PTPN4: variants seen among roughly 807,000 people sequenced by gnomAD.
PTPN4 encodes tyrosine-protein phosphatase non-receptor type 4.
Under a neutral mutation model 135.5 loss-of-function variants are expected in PTPN4, and 49 were observed. The ratio of observed to expected loss-of-function variants is 0.36; its 90% confidence interval spans 0.29 to 0.46. The LOEUF is 0.46. PTPN4 is among the 20% of genes least tolerant of loss of function. The probability of loss-of-function intolerance (pLI) is 1.00; values close to 1 mark genes in which losing one functional copy is unlikely to be tolerated. For missense variants in PTPN4, 860 were observed against 1,101.0 expected (o/e 0.78, Z 3.10); for synonymous variants, 333 against 369.9 (o/e 0.90, Z 1.14).
At chr2:119,906,872 A>G (rs961643372) in intron 10 of PTPN4, among the ~76,000 whole-genome samples, 1 of 152,228 alleles carries the variant, frequency 6.6e-6, no homozygotes, top group African/African-American at 2.4e-5. Context: ...CAGGAAGTCA[A>G]ATTGTTCCTC....
At chr2:119,787,844 G>T (rs1193411165) in intron 1 of PTPN4, among the ~76,000 whole-genome samples, 1 of 152,142 alleles carries the variant, frequency 6.6e-6, no homozygotes, top group Non-Finnish European at 1.5e-5. Context: ...AAGTTGGTGT[G>T]TATGTTTTCC....
intron 22 of PTPN4, among the ~76,000 whole-genome samples, chr2:119,958,033 AACT>A (rs1679313430): frequency 6.6e-6 from 1 of 152,158 alleles, no homozygotes; most frequent in South Asian, 2.1e-4. Context: ...TATGCTTAAA[AACT>A]ACTAAAATCA....
intron 9 of PTPN4, among the ~76,000 whole-genome samples, chr2:119,891,083 A>G (rs986670665): frequency 2.6e-5 from 4 of 152,116 alleles, no homozygotes; most frequent in Non-Finnish European, 5.9e-5. Flanking sequence ...TTACATTATT[A>G]TCTGCTTGGG....
chr2:119,967,355 A>G (rs1029432154), intron 25 of PTPN4, among the ~76,000 whole-genome samples: 2 of 152,162 alleles, frequency 1.3e-5, no homozygotes, highest in Non-Finnish European at 2.9e-5. Flanking sequence ...AGGCTGAGGC[A>G]GGAGAATCGC....
At chr2:119,907,624 A>G (rs948491776) in intron 10 of PTPN4, among the ~76,000 whole-genome samples, 4 of 150,888 alleles carry the variant, frequency 2.7e-5, no homozygotes, top group South Asian at 4.2e-4. Context: ...AAAAAAAAAT[A>G]TTGTATGGAA....
intron 2 of PTPN4, among the ~76,000 whole-genome samples, chr2:119,825,393 G>A (rs1009772073): frequency 2.0e-5 from 3 of 152,138 alleles, no homozygotes; most frequent in African/African-American, 7.2e-5. Context: ...AATGTGGTGG[G>A]GCAGTTACCT....
chr2:119,809,103 T>C (rs1037676358), intron 1 of PTPN4, among the ~76,000 whole-genome samples: 1 of 152,028 alleles, frequency 6.6e-6, no homozygotes, highest in African/African-American at 2.4e-5. Context: ...TTCTCCTCCA[T>C]GAATGTTAAT....
intron 1 of PTPN4, among the ~76,000 whole-genome samples, chr2:119,779,611 C>T (rs1442895517): frequency 2.1e-4 from 29 of 138,580 alleles, no homozygotes; most frequent in African/African-American, 6.7e-4. Flanking sequence ...AGCGAGACTC[C>T]GTCTCAAAAA....
chr2:119,859,368 T>A (rs191462401), intron 2 of PTPN4, among the ~76,000 whole-genome samples: 189 of 152,338 alleles, frequency 1.2e-3, no homozygotes, highest in African/African-American at 4.3e-3. Flanking sequence ...TGGATCGCAT[T>A]TAATTGGCTT....
chr2:119,843,530 C>T (rs1430755849), intron 2 of PTPN4, among the ~76,000 whole-genome samples: 7 of 119,276 alleles, frequency 5.9e-5, no homozygotes, highest in Admixed American at 1.6e-4. Context: ...GGGTGGTGGC[C>T]GGGCAGAGGG....
intron 2 of PTPN4, among the ~76,000 whole-genome samples, chr2:119,839,847 A>G (rs1166638714): frequency 6.6e-6 from 1 of 152,206 alleles, no homozygotes; most frequent in Non-Finnish European, 1.5e-5. Flanking sequence ...ATCAGTATGC[A>G]GCTTGCTTAG....
At chr2:119,760,733 C>CTTTTTTTTTTTTTTTTTTT (rs59953430) in intron 1 of PTPN4, among the ~76,000 whole-genome samples, 2 of 79,908 alleles carry the variant, frequency 2.5e-5, no homozygotes, top group African/African-American at 1.0e-4. Context: ...GGTAGAATTC[C>CTTTTTTTTTTTTTTTTTTT]TTTTTTTTTT....
At chr2:119,921,448 C>G (rs1427809800) in intron 12 of PTPN4, among the ~76,000 whole-genome samples, 2 of 152,008 alleles carry the variant, frequency 1.3e-5, no homozygotes, top group Non-Finnish European at 2.9e-5. Flanking sequence ...GTAAAAATAA[C>G]AGTATGAAGC....
intron 13 of PTPN4, among the ~76,000 whole-genome samples, chr2:119,930,655 C>T (rs905434851): frequency 2.6e-5 from 4 of 152,004 alleles, no homozygotes; most frequent in Non-Finnish European, 4.4e-5. Flanking sequence ...TGTTATTGTG[C>T]GTGTTAGTCC....
At chr2:119,797,776 TA>T (rs2104940309) in intron 1 of PTPN4, among the ~76,000 whole-genome samples, 1 of 152,322 alleles carries the variant, frequency 6.6e-6, no homozygotes, top group African/African-American at 2.4e-5. Flanking sequence ...ATATTTTTAT[TA>T]AACAAAATAG....
At chr2:119,873,583 G>A (rs530589671) in intron 3 of PTPN4, among the ~76,000 whole-genome samples, 1 of 152,196 alleles carries the variant, frequency 6.6e-6, no homozygotes, top group African/African-American at 2.4e-5. Flanking sequence ...ATGTCTAATC[G>A]CTTTGAAAGG....
Position 119,934,963 on chromosome 2 carries a change from G to T in PTPN4, c.1355+5G>T. 1 of 1,600,778 alleles carries T rather than the reference G, an allele frequency of 6.2e-7. No individual in the cohort carries two copies. The highest frequency in any genetic ancestry group is 1.1e-5 in the South Asian group (1 of 88,646). On this transcript the variant is annotated splice_donor_5th_base_variant and intron_variant, in intron 15 of 26. Coordinates refer to ENST00000263708, the MANE Select transcript of PTPN4 (RefSeq NM_002830.4). ...CATTGTTCTGGAATCATCACCGTAA[G>T]AGCTTTTTTATTTTGCTTCCTCTGT...
At chr2:119,881,413 A>G (rs1487068243) in intron 5 of PTPN4, among the ~76,000 whole-genome samples, 2 of 152,148 alleles carry the variant, frequency 1.3e-5, no homozygotes, top group African/African-American at 2.4e-5. Flanking sequence ...TCTCTAGTGC[A>G]TTGCTTACAA....
chr2:119,767,570 C>T (rs745989917), intron 1 of PTPN4, among the ~76,000 whole-genome samples: 11 of 152,234 alleles, frequency 7.2e-5, no homozygotes, highest in Non-Finnish European at 1.6e-4. Flanking sequence ...TTCAGGTTCA[C>T]ACATTGCATT....
Sources: gnomAD v4.1 joint callset for allele counts (sites outside exome capture counted in the v4.1 genomes callset) on GRCh38, gnomAD v4.1.1 for gene constraint, MANE v1.5 for transcripts, NCBI Gene and HGNC (gene_info 2026-07-23, HGNC 2026-07-21) for gene names.